HACE1: variants seen among roughly 807,000 people sequenced by gnomAD.
The protein encoded by HACE1 is HECT domain and ankyrin repeat containing E3 ubiquitin protein ligase 1.
Under a neutral mutation model 118.4 loss-of-function variants are expected in HACE1, and 73 were observed. The observed-to-expected ratio is 0.62, with a 90% CI of 0.51 to 0.75. HACE1 has a LOEUF of 0.75. HACE1 is among the 30% of genes least tolerant of loss of function. HACE1 has a pLI of 0.00. For synonymous variants in HACE1, 368 were observed against 374.8 expected (o/e 0.98, Z 0.21); for missense variants, 749 against 1,102.2 (o/e 0.68, Z 4.54).
chr6:104,742,004 C>T (rs1311563752), intron 22 of HACE1, among the ~76,000 whole-genome samples: 37 of 150,322 alleles, frequency 2.5e-4, no homozygotes, highest in African/African-American at 9.1e-4. Flanking sequence ...AGAAATAACG[C>T]CACGTATCTA....
At chr6:104,849,298 T>C (rs778806206) in intron 3 of HACE1, 52 bp from the exon 4 acceptor site, 1 of 1,033,206 alleles carries the variant, frequency 9.7e-7, no homozygotes. Context: ...CAGCCATACT[T>C]GATGTAGTTC....
At chr6:104,832,331 T>C (rs551244112) in intron 6 of HACE1, among the ~76,000 whole-genome samples, 2 of 152,292 alleles carry the variant, frequency 1.3e-5, no homozygotes, top group East Asian at 3.9e-4. Flanking sequence ...AAAATCAAAA[T>C]GCAAATTACA....
At chr6:104,742,739 T>C (rs1776912458) in intron 22 of HACE1, among the ~76,000 whole-genome samples, 1 of 151,836 alleles carries the variant, frequency 6.6e-6, no homozygotes, top group Non-Finnish European at 1.5e-5. Context: ...TCAACCATTG[T>C]GGAAGTCAGT....
intron 7 of HACE1, among the ~76,000 whole-genome samples, chr6:104,806,305 T>C (rs963884430): frequency 7.9e-5 from 12 of 152,134 alleles, no homozygotes; most frequent in African/African-American, 2.4e-4. Context: ...AAAATAAAAA[T>C]TGAAAAATTA....
chr6:104,819,774 A>G (rs1044158627), intron 6 of HACE1, among the ~76,000 whole-genome samples: 5 of 152,230 alleles, frequency 3.3e-5, no homozygotes, highest in Non-Finnish European at 7.3e-5. Context: ...CCTGACAAAA[A>G]CAAGCAATGG....
rs562152052 is a variant in HACE1 at position 104,799,795 on chromosome 6, G to A, written c.618-2770C>T. 9.2e-5 allele frequency among the ~76,000 whole-genome samples: 14 copies of A among 152,166 alleles called. No individual in the cohort carries two copies. In the South Asian group the frequency reaches 2.5e-3, roughly 27 times the overall value. On this transcript the variant is annotated intron_variant, in intron 7 of 23. Coordinates refer to ENST00000262903, the MANE Select transcript of HACE1 (RefSeq NM_020771.4). ...GGCCGAATATGAACAGCTCCGGTCTGCAGCTCCTAGCATGACTGACACAGA... is the reference window on the plus strand; with the variant it reads ...GGCCGAATATGAACAGCTCCGGTCTACAGCTCCTAGCATGACTGACACAGA...
At chr6:104,857,106 A>C (rs1464718491) in intron 1 of HACE1, among the ~76,000 whole-genome samples, 4 of 150,610 alleles carry the variant, frequency 2.7e-5, no homozygotes, top group Admixed American at 2.0e-4. Flanking sequence ...TCAGCTCTTA[A>C]AATGTAAGCA....
rs915047426 is a variant in HACE1 at position 104,776,638 on chromosome 6, CCTAG to C, written c.1864+99_1864+102del. 58 of 777,240 alleles carry C rather than the reference CCTAG, an allele frequency of 7.5e-5. No individual in the cohort carries two copies. In the African/African-American group the frequency reaches 9.2e-4, roughly 12 times the overall value. The allele number at this position is 777,240 out of a possible 1,614,324, so 48.1% of individuals were successfully genotyped here. A position where few individuals can be genotyped will look rare whatever the true frequency, so the allele number is the denominator to read the frequency against. ...TCATCTATAAAATAAGAATATCCCA[CCTAG>C]CTCACAGGTCTGCTGTGGAAATCAA... On this transcript the variant is annotated intron_variant, in intron 17 of 23. Coordinates refer to ENST00000262903, the MANE Select transcript of HACE1 (RefSeq NM_020771.4).
intron 7 of HACE1, among the ~76,000 whole-genome samples, chr6:104,801,872 G>T (rs993090610): frequency 6.6e-6 from 1 of 152,110 alleles, no homozygotes; most frequent in Non-Finnish European, 1.5e-5. Context: ...AACCTTAAAT[G>T]TAAATGGGCT....
At chr6:104,759,874 C>G (rs1401151678) in intron 19 of HACE1, among the ~76,000 whole-genome samples, 3 of 152,270 alleles carry the variant, frequency 2.0e-5, no homozygotes, top group African/African-American at 7.2e-5. Flanking sequence ...GATATCACCA[C>G]TAATCCTACA....
chr6:104,839,631 T>A (rs1308023846), intron 5 of HACE1, among the ~76,000 whole-genome samples: 5 of 152,078 alleles, frequency 3.3e-5, no homozygotes, highest in African/African-American at 1.2e-4. Context: ...ACACAGGTAA[T>A]AAAACTACAC....
intron 4 of HACE1, among the ~76,000 whole-genome samples, chr6:104,847,751 T>C (rs1325566794): frequency 6.6e-6 from 1 of 151,380 alleles, no homozygotes; most frequent in Non-Finnish European, 1.5e-5. Context: ...TCTTCAAGAG[T>C]AATTAAAAAA....
At chr6:104,824,765 G>C (rs910573286) in intron 6 of HACE1, 4 of 152,100 alleles carry the variant, frequency 2.6e-5, no homozygotes, top group African/African-American at 9.7e-5. Flanking sequence ...AGGAAAAAAA[G>C]TGACAAACAT....
chr6:104,859,702 C>G lies in HACE1; in HGVS notation c.-60G>C. Reference sequence around the variant, plus strand: ...CCGCCCCACCGGCGGCCTCCGCGCCCAGAGCCCTACATCTCGCCTGGGCCC... The same window carrying G: ...CCGCCCCACCGGCGGCCTCCGCGCCGAGAGCCCTACATCTCGCCTGGGCCC... On this transcript the variant is annotated 5_prime_UTR_variant, in exon 1 of 24. Transcript: ENST00000262903. 7.1e-7 allele frequency: 1 copy of G among 1,413,258 alleles called. No individual in the cohort carries two copies. Among genetic ancestry groups the G allele is most frequent in the Non-Finnish European group, 9.6e-7 (1 of 1,041,252 alleles). 87.5% of individuals were successfully genotyped at this position (1,413,258 alleles called of 1,614,324 possible). A position where few individuals can be genotyped will look rare whatever the true frequency, so the allele number is the denominator to read the frequency against.
intron 20 of HACE1, among the ~76,000 whole-genome samples, 200 bp downstream of exon 20, chr6:104,750,141 G>A (rs1210460272): frequency 1.3e-5 from 2 of 151,976 alleles, no homozygotes; most frequent in African/African-American, 4.8e-5. Flanking sequence ...TCACATTAAG[G>A]AGCTGCTTAT....
intron 22 of HACE1, among the ~76,000 whole-genome samples, chr6:104,743,592 TA>T (rs1180511949): frequency 1.1e-4 from 17 of 151,908 alleles, no homozygotes; most frequent in African/African-American, 3.4e-4. Context: ...CTTTCAGAAA[TA>T]CAAGCTAAAA....
Position 104,859,708 on chromosome 6 carries a change from C to A in HACE1, c.-66G>T, listed in dbSNP as rs979217178. 7.2e-7 allele frequency: 1 copy of A among 1,381,934 alleles called. No homozygotes were observed. Among genetic ancestry groups the A allele is most frequent in the South Asian group, 1.3e-5 (1 of 79,360 alleles). The allele number at this position is 1,381,934 out of a possible 1,614,324, so 85.6% of individuals were successfully genotyped here. On this transcript the variant is annotated 5_prime_UTR_variant, in exon 1 of 24. Coordinates refer to ENST00000262903, the MANE Select transcript of HACE1 (RefSeq NM_020771.4). ...CACCGGCGGCCTCCGCGCCCAGAGC[C>A]CTACATCTCGCCTGGGCCCGTCCAG...
At chr6:104,748,430 A>C (rs1011875693) in intron 20 of HACE1, among the ~76,000 whole-genome samples, 26 of 152,322 alleles carry the variant, frequency 1.7e-4, no homozygotes, top group African/African-American at 5.8e-4. Flanking sequence ...ATGGAAAATT[A>C]TCAAATGCTA....
chr6:104,826,205 G>A (rs1773312738), intron 6 of HACE1, among the ~76,000 whole-genome samples: 1 of 152,154 alleles, frequency 6.6e-6, no homozygotes, highest in African/African-American at 2.4e-5. Context: ...TGTCTTCCAT[G>A]AAACTGGGCC....
Sources: allele counts gnomAD v4.1 joint callset (sites outside exome capture counted in the v4.1 genomes callset), GRCh38; gene constraint gnomAD v4.1.1; transcripts MANE v1.5; gene names NCBI Gene and HGNC (gene_info 2026-07-23, HGNC 2026-07-21).